The following TUSC3 variants were observed in gnomAD, a reference collection of about 807,000 sequenced individuals.
TUSC3 encodes the protein dolichyl-diphosphooligosaccharide--protein glycosyltransferase subunit TUSC3.
A neutral mutation model predicts 44.8 loss-of-function variants in TUSC3; 45 were observed. That is an observed-to-expected ratio of 1.00 (90% CI 0.79 to 1.29). TUSC3 has a LOEUF of 1.29. TUSC3 is among the 50% of genes most tolerant of loss of function. The pLI is 0.00. For synonymous variants in TUSC3, 212 were observed against 152.9 expected (o/e 1.39, Z -2.85); for missense variants, 519 against 437.9 (o/e 1.19, Z -1.65).
intron 1 of TUSC3, among the ~76,000 whole-genome samples, chr8:15,478,403 G>T (rs1306406666): frequency 3.3e-5 from 5 of 152,072 alleles, no homozygotes; most frequent in African/African-American, 4.8e-5. Context: ...ACATGCATTA[G>T]CTATTTATCC....
At chr8:15,799,947 A>C in the TUSC3 span, among the ~76,000 whole-genome samples, 6 of 152,162 alleles carry the variant, frequency 3.9e-5, no homozygotes, top group Admixed American at 6.5e-5. Flanking sequence ...CAACACAAAG[A>C]GGGTCAGATG....
the TUSC3 span, among the ~76,000 whole-genome samples, chr8:15,815,543 T>G: frequency 6.6e-6 from 1 of 152,070 alleles, no homozygotes; most frequent in South Asian, 2.1e-4. Context: ...GTAGGAGAAA[T>G]TCATGCAGAG....
chr8:15,796,667 C>G, the TUSC3 span, among the ~76,000 whole-genome samples: 5 of 152,216 alleles, frequency 3.3e-5, no homozygotes, highest in African/African-American at 1.2e-4. Context: ...ACTGAGGTAG[C>G]AGCTTAGCCT....
At chr8:15,817,259 C>T in the TUSC3 span, among the ~76,000 whole-genome samples, 1 of 152,022 alleles carries the variant, frequency 6.6e-6, no homozygotes, top group Admixed American at 6.6e-5. Context: ...TTAGGTTCTT[C>T]ATGGTATGTG....
chr8:15,476,363 G>A (rs1232819764), intron 1 of TUSC3, among the ~76,000 whole-genome samples: 2 of 152,086 alleles, frequency 1.3e-5, no homozygotes, highest in African/African-American at 2.4e-5. Context: ...TAGTTCAGAG[G>A]TTTAAAGGAT....
chr8:15,675,969 C>T (rs900268538), intron 6 of TUSC3, among the ~76,000 whole-genome samples: 22 of 152,040 alleles, frequency 1.4e-4, no homozygotes, highest in African/African-American at 4.3e-4. Flanking sequence ...ATCGCTGGGT[C>T]GAACGGTAGT....
chr8:15,687,036 G>A (rs1414960564), intron 6 of TUSC3, among the ~76,000 whole-genome samples: 1 of 152,096 alleles, frequency 6.6e-6, no homozygotes, highest in Non-Finnish European at 1.5e-5. Flanking sequence ...TCGTGCCACT[G>A]CACTGCAGCC....
At chr8:15,548,178 C>T (rs570238700) in intron 1 of TUSC3, among the ~76,000 whole-genome samples, 7 of 151,546 alleles carry the variant, frequency 4.6e-5, no homozygotes, top group African/African-American at 1.2e-4. Context: ...CCCAAACGAA[C>T]GAAGACAATT....
chr8:15,571,791 C>A (rs1802888203), intron 1 of TUSC3, among the ~76,000 whole-genome samples: 1 of 152,182 alleles, frequency 6.6e-6, no homozygotes, highest in Non-Finnish European at 1.5e-5. Context: ...TAAGTTTATG[C>A]AGCGTTCTTT....
At chr8:15,758,489 A>C (rs1048909419) in intron 10 of TUSC3, among the ~76,000 whole-genome samples, 3 of 151,676 alleles carry the variant, frequency 2.0e-5, no homozygotes, top group Non-Finnish European at 4.4e-5. Flanking sequence ...TGCACATCCC[A>C]CCCCCTCAAG....
At chr8:15,696,061 T>C (rs940821490) in intron 6 of TUSC3, among the ~76,000 whole-genome samples, 2 of 152,140 alleles carry the variant, frequency 1.3e-5, no homozygotes, top group East Asian at 1.9e-4. Context: ...GCATAAGTAA[T>C]GAGGAGCTGA....
chr8:15,499,653 A>C (rs1051551847), intron 2 of TUSC3, among the ~76,000 whole-genome samples: 2 of 152,142 alleles, frequency 1.3e-5, no homozygotes, highest in African/African-American at 4.8e-5. Context: ...CGGGGTGCTT[A>C]GATATTTAGT....
At chr8:15,748,188 T>C (rs538844626) in intron 8 of TUSC3, among the ~76,000 whole-genome samples, 187 bp from the exon 9 acceptor site, 1 of 151,448 alleles carries the variant, frequency 6.6e-6, no homozygotes, top group East Asian at 1.9e-4. Flanking sequence ...TACATTTTCA[T>C]TGAGAAGAAT....
chr8:15,746,925 TTTTATTTTA>T (rs1347963457), intron 8 of TUSC3, among the ~76,000 whole-genome samples: 1 of 152,142 alleles, frequency 6.6e-6, no homozygotes, highest in African/African-American at 2.4e-5. Context: ...AAAATGTTTT[TTTTATTTTA>T]TGATACTCAC....
chr8:15,826,261 A>G, the TUSC3 span, among the ~76,000 whole-genome samples: 2 of 152,152 alleles, frequency 1.3e-5, no homozygotes, highest in African/African-American at 4.8e-5. Flanking sequence ...ACTCTGGGTC[A>G]TTTGGTTTAT....
chr8:15,620,912 A>C (rs1805214377), intron 1 of TUSC3, among the ~76,000 whole-genome samples: 1 of 152,178 alleles, frequency 6.6e-6, no homozygotes, highest in Non-Finnish European at 1.5e-5. Context: ...TTTGGTATAA[A>C]TGGGATTTTT....
chr8:15,551,701 C>T (rs1357509353), intron 1 of TUSC3, among the ~76,000 whole-genome samples: 1 of 151,668 alleles, frequency 6.6e-6, no homozygotes, highest in Non-Finnish European at 1.5e-5. Flanking sequence ...AGTTATTTGT[C>T]TTAGTCATTA....
At chr8:15,663,702 A>T (rs1807528682) in intron 5 of TUSC3, among the ~76,000 whole-genome samples, 1 of 151,954 alleles carries the variant, frequency 6.6e-6, no homozygotes, top group East Asian at 1.9e-4. Context: ...TGAATGAGTT[A>T]AAATGGATTA....
At chr8:15,607,746 A>G (rs1804594433) in intron 1 of TUSC3, among the ~76,000 whole-genome samples, 1 of 152,162 alleles carries the variant, frequency 6.6e-6, no homozygotes, top group Non-Finnish European at 1.5e-5. Context: ...TCCTTCCTTC[A>G]ATATGCATAA....
Sources: allele counts gnomAD v4.1 joint callset (sites outside exome capture counted in the v4.1 genomes callset), GRCh38; gene constraint gnomAD v4.1.1; transcripts MANE v1.5; gene names NCBI Gene and HGNC (gene_info 2026-07-23, HGNC 2026-07-21).